NEB: variants seen among roughly 807,000 people sequenced by gnomAD.
NEB encodes nebulin, also known as nemaline myopathy type 2.
A neutral mutation model predicts 952.2 loss-of-function variants in NEB; 512 were observed. The ratio of observed to expected loss-of-function variants is 0.54; its 90% CI spans 0.50 to 0.58. The LOEUF is 0.58. Among genes scored for constraint, NEB ranks in the 20% least tolerant of loss-of-function variants. The pLI, the probability that NEB is intolerant of heterozygous loss-of-function variation, is 0.00. For missense variants in NEB, 8,428 were observed against 9,231.1 expected, an observed-to-expected ratio of 0.91 and a Z score of 3.56; for synonymous variants, 2,900 against 3,149.8, an observed-to-expected ratio of 0.92 and a Z score of 2.66.
At chr2:151,610,661 T>C (rs1279329271) in intron 79 of NEB, 38 bp from the exon 80 acceptor site, 6 of 1,582,054 alleles carry the variant, frequency 3.8e-6, no homozygotes, top group Non-Finnish European at 5.2e-6. Context: ...AATAAGAGTG[T>C]TTGAGGAAGG....
At chr2:151,570,054 G>T in intron 109 of NEB, 27 bp downstream of exon 109, 1 of 1,579,104 alleles carries the variant, frequency 6.3e-7, no homozygotes, top group South Asian at 1.2e-5. Context: ...TGAGAAAAGA[G>T]TTCAACCCCA....
chr2:151,702,972 G>T lies in NEB; in HGVS notation c.1152+3909C>A, dbSNP rs572608929. ...CCTAGTCTCGATGGTCTTTACATTT[G>T]GGCATGATTTTGCAGTGGCTGGTAC... On this transcript the variant is annotated intron_variant, in intron 13 of 181. Transcript: ENST00000397345. 6.3e-3 allele frequency among the ~76,000 whole-genome samples: 953 copies of T among 152,096 alleles called. 9 individuals carry two copies. Among genetic ancestry groups the T allele is most frequent in the African/African-American group, 0.02 (822 of 41,486 alleles).
intron 6 of NEB, 150 bp downstream of exon 6, chr2:151,725,303 A>G (rs775741573): frequency 4.7e-5 from 33 of 696,818 alleles, no homozygotes; most frequent in Non-Finnish European, 7.0e-5. Context: ...TTACAGCAAC[A>G]TGATCTATGG....
chr2:151,657,440 T>G (rs1452992192), intron 48 of NEB, among the ~76,000 whole-genome samples: 1 of 152,176 alleles, frequency 6.6e-6, no homozygotes, highest in Non-Finnish European at 1.5e-5. Context: ...CACCTGCTTT[T>G]TTGCCGGCCA....
rs370176216 is a variant in NEB at position 151,687,467 on chromosome 2, G to A, written c.2589C>T (p.Asp863=). The A allele has an allele frequency of 1.1e-4, 185 of 1,613,858 alleles. No individual in the cohort carries two copies. In the African/African-American group the frequency reaches 1.4e-3, roughly 12 times the overall value. ...GKMIGALSIN[D]DPKMLHSLKT... is the part of the protein sequence containing the mutation. ...TCAAGGAGTGCAGCATCTTTGGATC[G>A]TCATTAATGCTGAGGGCTCCAATCA... The change falls in exon 27 of 182, where the codon GAC becomes GAT. Residue 863 remains aspartate (D), a synonymous_variant. Transcript: ENST00000397345.
intron 142 of NEB, among the ~76,000 whole-genome samples, chr2:151,535,468 G>A (rs146227449): frequency 3.9e-5 from 6 of 152,158 alleles, no homozygotes; most frequent in Admixed American, 2.0e-4. Flanking sequence ...TGATGTTTGC[G>A]GGGCTCTCCC....
At chr2:151,722,372 A>C (rs1044767562) in intron 9 of NEB, among the ~76,000 whole-genome samples, 1 of 152,194 alleles carries the variant, frequency 6.6e-6, no homozygotes, top group Non-Finnish European at 1.5e-5. Flanking sequence ...GACTCTGTTA[A>C]GCCTTTTAAG....
chr2:151,485,684 A>G lies in NEB; in HGVS notation c.*76T>C. On this transcript the variant is annotated 3_prime_UTR_variant, in exon 182 of 182. Transcript: ENST00000397345. ...CATAGGCAGCTTGAGAACTTAGGTA[A>G]CAGTGGAGAGTCTAAACCGAAACAT... 7.2e-7 allele frequency: 1 copy of G among 1,385,284 alleles called. No individual in the cohort carries two copies. Among genetic ancestry groups the G allele is most frequent in the Non-Finnish European group, 9.8e-7 (1 of 1,022,446 alleles). The allele number at this position is 1,385,284 out of a possible 1,614,324, so 85.8% of individuals were successfully genotyped here. A position where few individuals can be genotyped will look rare whatever the true frequency, so the allele number is the denominator to read the frequency against.
chr2:151,493,891 G>A (rs528660946), intron 174 of NEB, 24 bp from the exon 175 acceptor site: 39 of 1,428,398 alleles, frequency 2.7e-5, no homozygotes, highest in East Asian at 2.2e-4. Flanking sequence ...AGTCATGCCC[G>A]AAAGTCACTA....
intron 146 of NEB, among the ~76,000 whole-genome samples, chr2:151,528,170 T>A (rs1161177338): frequency 6.6e-6 from 1 of 152,208 alleles, no homozygotes; most frequent in Non-Finnish European, 1.5e-5. Context: ...GGGGCTTGCA[T>A]GCTTCCTAGA....
chr2:151,683,440 TA>T (rs1240873780), intron 28 of NEB, among the ~76,000 whole-genome samples: 4 of 152,234 alleles, frequency 2.6e-5, no homozygotes, highest in Non-Finnish European at 5.9e-5. Context: ...ACGTTTTAGA[TA>T]CAAAATTCAA....
intron 153 of NEB, among the ~76,000 whole-genome samples, chr2:151,522,914 C>G (rs2082891172): frequency 6.6e-6 from 1 of 152,168 alleles, no homozygotes; most frequent in Non-Finnish European, 1.5e-5. Context: ...CCCAGGGCCA[C>G]ACCATGAAGC....
At position 151,715,154 on chromosome 2, in the gene NEB, C is replaced by T. The variant is rs116629550; in HGVS notation, c.822+2262G>A. On this transcript the variant is annotated intron_variant, in intron 10 of 181. Transcript: ENST00000397345. The stretch of plus-strand genomic sequence containing the variant: ...GTACCCAACACTGTCACCTTGCCCA[C>T]CTAGAGTGGTGCCATCCAATGCATA... Among the ~76,000 whole-genome samples, 648 of 152,316 alleles carry T rather than the reference C, an allele frequency of 4.3e-3. 2 individuals are homozygous for T. The highest frequency in any genetic ancestry group is 8.1e-3 in the Non-Finnish European group (548 of 68,022).
intron 107 of NEB, among the ~76,000 whole-genome samples, chr2:151,573,299 C>T (rs1226994127): frequency 2.6e-5 from 4 of 152,078 alleles, no homozygotes; most frequent in Admixed American, 2.6e-4. Flanking sequence ...GAATATTAGT[C>T]TTGTTCATAT....
At chr2:151,676,408 C>G (rs2099359765) in intron 34 of NEB, among the ~76,000 whole-genome samples, 1 of 152,160 alleles carries the variant, frequency 6.6e-6, no homozygotes, top group Admixed American at 6.5e-5. Context: ...TCCAGTCTCT[C>G]CTCTTTCCAA....
chr2:151,645,975 A>G (rs1484203505), intron 55 of NEB, among the ~76,000 whole-genome samples, 155 bp downstream of exon 55: 1 of 152,252 alleles, frequency 6.6e-6, no homozygotes, highest in Non-Finnish European at 1.5e-5. Context: ...ACATTTCGAT[A>G]TTCAATCTAA....
At chr2:151,576,508 ATATATATATTTTTTTTTTTTTTTTTTT>A (rs2096850986) in intron 105 of NEB, among the ~76,000 whole-genome samples, 154 bp from the exon 106 acceptor site, 5 of 50,038 alleles carry the variant, frequency 1.0e-4, no homozygotes, top group Non-Finnish European at 1.5e-4. Context: ...ATATATATAT[ATATATATATTTTTTTTTTTTTTTTTTT>A]TTTTTTTTTT....
At chr2:151,615,694 T>C (rs1245956219) in intron 76 of NEB, among the ~76,000 whole-genome samples, 3 of 152,180 alleles carry the variant, frequency 2.0e-5, no homozygotes, top group African/African-American at 7.2e-5. Context: ...TGCTGCTCAA[T>C]TATTTATTTA....
At chr2:151,696,838 A>G in intron 16 of NEB, 103 bp from the exon 17 acceptor site, 1 of 779,490 alleles carries the variant, frequency 1.3e-6, no homozygotes, top group South Asian at 1.8e-5. Context: ...AAGCAATGAA[A>G]CTTGTAGTTA....
Sources: gnomAD v4.1 joint callset for allele counts (sites outside exome capture counted in the v4.1 genomes callset) on GRCh38, gnomAD v4.1.1 for gene constraint, MANE v1.5 for transcripts, NCBI Gene and HGNC (gene_info 2026-07-23, HGNC 2026-07-21) for gene names.